MED12L: variants seen among roughly 807,000 people sequenced by gnomAD.
The protein encoded by MED12L is mediator complex subunit 12L.
MED12L carries 60 observed loss-of-function variants against 281.3 expected under a neutral mutation model. The ratio of observed to expected loss-of-function variants is 0.21; its 90% CI spans 0.17 to 0.26. The LOEUF (loss-of-function observed/expected upper bound fraction) is 0.26, where lower values mean the gene tolerates loss of function less well. Among genes scored for constraint, MED12L ranks in the 10% least tolerant of loss-of-function variants. The probability of loss-of-function intolerance (pLI) is 1.00; values close to 1 mark genes in which losing one functional copy is unlikely to be tolerated. For missense variants in MED12L, 2,146 were observed against 2,680.9 expected, an observed-to-expected ratio of 0.80 and a Z score of 4.41; for synonymous variants, 974 against 987.2, an observed-to-expected ratio of 0.99 and a Z score of 0.25.
At chr3:151,150,886 G>A (rs1465973142) in intron 5 of MED12L, among the ~76,000 whole-genome samples, 1 of 152,196 alleles carries the variant, frequency 6.6e-6, no homozygotes, top group Admixed American at 6.5e-5. Flanking sequence ...GAATTGAAGA[G>A]AGTTGAGGCC....
At chr3:151,195,860 T>C (rs921344523) in intron 16 of MED12L, among the ~76,000 whole-genome samples, 2 of 152,244 alleles carry the variant, frequency 1.3e-5, no homozygotes, top group African/African-American at 4.8e-5. Flanking sequence ...GCAACTTCTC[T>C]GTAAATCGGA....
At chr3:151,129,154 A>G (rs1714970384) in intron 5 of MED12L, among the ~76,000 whole-genome samples, 1 of 152,214 alleles carries the variant, frequency 6.6e-6, no homozygotes, top group African/African-American at 2.4e-5. Flanking sequence ...AGGAGGAGGG[A>G]CAGAAAGTAC....
chr3:151,309,904 A>G (rs1179959791), intron 16 of MED12L, among the ~76,000 whole-genome samples: 1 of 151,742 alleles, frequency 6.6e-6, no homozygotes, highest in Middle Eastern at 3.4e-3. Context: ...ATTTTTAACA[A>G]TTTTTTTTTC....
At chr3:151,198,836 C>T in intron 16 of MED12L, 1 of 1,613,030 alleles carries the variant, frequency 6.2e-7, no homozygotes, top group Non-Finnish European at 8.5e-7. Flanking sequence ...TATTGCTACA[C>T]ATATGAAATT....
chr3:151,147,209 C>A (rs141653024), intron 5 of MED12L, among the ~76,000 whole-genome samples: 13 of 152,186 alleles, frequency 8.5e-5, no homozygotes, highest in East Asian at 5.8e-4. Flanking sequence ...TGTCTCCCCC[C>A]ACCTGTGAAA....
intron 20 of MED12L, 88 bp downstream of exon 20, chr3:151,357,464 A>G: frequency 3.4e-6 from 4 of 1,180,220 alleles, no homozygotes; most frequent in Non-Finnish European, 4.6e-6. Flanking sequence ...AAAGAAAAAT[A>G]GTACTGATAC....
At chr3:151,215,012 A>G (rs1365246969) in intron 16 of MED12L, among the ~76,000 whole-genome samples, 3 of 152,184 alleles carry the variant, frequency 2.0e-5, no homozygotes, top group Non-Finnish European at 4.4e-5. Flanking sequence ...AGTGTATTCT[A>G]CATATATGTT....
chr3:151,435,392 C>CTT lies in MED12L; in HGVS notation c.*2590_*2591dup, dbSNP rs1720033735. 1 of 144,230 alleles carries CTT rather than the reference C, an allele frequency of 6.9e-6. No individual in the cohort carries two copies. Among genetic ancestry groups the CTT allele is most frequent in the South Asian group, 2.3e-4 (1 of 4,438 alleles). 8.9% of individuals were successfully genotyped at this position (144,230 alleles called of 1,614,324 possible). On this transcript the variant is annotated 3_prime_UTR_variant, in exon 45 of 45. Coordinates refer to ENST00000687756, the MANE Select transcript of MED12L (RefSeq NM_001393769.1). The stretch of plus-strand genomic sequence containing the variant: ...GGAAGTAGAGGAGATCAATGCGTAG[C>CTT]TTTGACCACTTCCAGCCACAGGGTA...
intron 21 of MED12L, among the ~76,000 whole-genome samples, chr3:151,362,761 T>C (rs888359540): frequency 3.2e-4 from 49 of 152,188 alleles, no homozygotes; most frequent in African/African-American, 1.2e-3. Flanking sequence ...ACAATTCATG[T>C]TTTTAATGGT....
intron 3 of MED12L, among the ~76,000 whole-genome samples, 183 bp from the exon 4 acceptor site, chr3:151,122,600 T>C (rs1713923766): frequency 6.6e-6 from 1 of 152,210 alleles, no homozygotes; most frequent in African/African-American, 2.4e-5. Context: ...ATAAAGGTGC[T>C]GTGTATCAGA....
At chr3:151,133,501 T>C (rs1030398923) in intron 5 of MED12L, among the ~76,000 whole-genome samples, 1 of 152,130 alleles carries the variant, frequency 6.6e-6, no homozygotes, top group Non-Finnish European at 1.5e-5. Context: ...TAATGAAATA[T>C]TTGACTTGGA....
At chr3:151,282,358 G>GT (rs146250992) in intron 16 of MED12L, among the ~76,000 whole-genome samples, 32,090 of 149,176 alleles carry the variant, frequency 0.22, 3,564 homozygotes, top group South Asian at 0.34. Flanking sequence ...GTTTTTTTTT[G>GT]TTTTTTTTTG....
At chr3:151,225,651 G>C (rs1212720032) in intron 16 of MED12L, among the ~76,000 whole-genome samples, 2 of 152,168 alleles carry the variant, frequency 1.3e-5, no homozygotes, top group African/African-American at 4.8e-5. Flanking sequence ...TCTCATCCGT[G>C]TTCTGCATTC....
At chr3:151,370,252 C>T (rs1756010453) in intron 26 of MED12L, among the ~76,000 whole-genome samples, 1 of 152,118 alleles carries the variant, frequency 6.6e-6, no homozygotes. Context: ...ATTAGGAAGT[C>T]TTCAAGTCAG....
At chr3:151,316,059 C>T (rs569755129) in intron 16 of MED12L, among the ~76,000 whole-genome samples, 2 of 152,292 alleles carry the variant, frequency 1.3e-5, no homozygotes, top group Admixed American at 1.3e-4. Flanking sequence ...GGGCAGTTTT[C>T]TCAGTGCCTT....
intron 16 of MED12L, among the ~76,000 whole-genome samples, chr3:151,205,757 G>A (rs1726261719): frequency 6.6e-6 from 1 of 152,142 alleles, no homozygotes; most frequent in Non-Finnish European, 1.5e-5. Flanking sequence ...TCTTAGTTAT[G>A]CTTCTTACAA....
intron 4 of MED12L, among the ~76,000 whole-genome samples, chr3:151,127,015 T>C (rs766394458): frequency 6.6e-6 from 1 of 152,182 alleles, no homozygotes; most frequent in Admixed American, 6.5e-5. Flanking sequence ...GTGGCTAATA[T>C]AGTCTTTGTT....
intron 33 of MED12L, among the ~76,000 whole-genome samples, chr3:151,383,064 A>G (rs1712685916): frequency 6.6e-6 from 1 of 152,230 alleles, no homozygotes; most frequent in African/African-American, 2.4e-5. Context: ...GTTAGCTTCT[A>G]CTATACTTAC....
chr3:151,272,024 C>T (rs1394885933), intron 16 of MED12L, among the ~76,000 whole-genome samples: 1 of 152,148 alleles, frequency 6.6e-6, no homozygotes, highest in African/African-American at 2.4e-5. Context: ...GGGAAAAAGT[C>T]AAAGGCACAA....
Sources: allele counts gnomAD v4.1 joint callset (sites outside exome capture counted in the v4.1 genomes callset), GRCh38; gene constraint gnomAD v4.1.1; transcripts MANE v1.5; gene names NCBI Gene and HGNC (gene_info 2026-07-23, HGNC 2026-07-21).